KDM4B: variants seen among roughly 807,000 people sequenced by gnomAD.
KDM4B encodes the protein lysine-specific demethylase 4B.
In KDM4B, 32 loss-of-function variants were observed where a neutral mutation model predicts 125.2. That is an observed-to-expected ratio of 0.26 (90% confidence interval 0.19 to 0.34). KDM4B has a LOEUF of 0.34. Among genes scored for constraint, KDM4B ranks in the 10% least tolerant of loss-of-function variants. KDM4B has a pLI of 1.00. For missense variants in KDM4B, 1,190 were observed against 1,577.7 expected (o/e 0.75, Z 4.16); for synonymous variants, 721 against 677.9 (o/e 1.06, Z -0.99).
intron 11 of KDM4B, among the ~76,000 whole-genome samples, chr19:5,126,158 G>A (rs1213868531): frequency 6.6e-6 from 1 of 152,144 alleles, no homozygotes; most frequent in Non-Finnish European, 1.5e-5. Context: ...TGCTCACAGG[G>A]GCCAGGGGGC....
At chr19:5,101,275 GT>G (rs933611704) in intron 9 of KDM4B, among the ~76,000 whole-genome samples, 5 of 143,360 alleles carry the variant, frequency 3.5e-5, no homozygotes, top group Admixed American at 7.1e-5. Flanking sequence ...CCAGGTTTTT[GT>G]TTTTTTTTTG....
intron 9 of KDM4B, among the ~76,000 whole-genome samples, chr19:5,094,102 T>A: frequency 6.6e-6 from 1 of 152,130 alleles, no homozygotes; most frequent in Non-Finnish European, 1.5e-5. Context: ...CTTGCAGGGG[T>A]GTCGCCCTCT....
intron 13 of KDM4B, among the ~76,000 whole-genome samples, 181 bp downstream of exon 13, chr19:5,132,188 C>T (rs1449166732): frequency 6.6e-6 from 1 of 152,144 alleles, no homozygotes; most frequent in Non-Finnish European, 1.5e-5. Flanking sequence ...GGTGGTCGTG[C>T]GGGGAGGCAG....
At chr19:5,007,236 G>C (rs1477072981) in intron 1 of KDM4B, among the ~76,000 whole-genome samples, 2 of 152,330 alleles carry the variant, frequency 1.3e-5, no homozygotes, top group Middle Eastern at 3.4e-3. Context: ...TATTGGAGAG[G>C]TTTCTAGAAG....
intron 11 of KDM4B, among the ~76,000 whole-genome samples, chr19:5,120,287 C>G (rs1404169603): frequency 1.3e-5 from 2 of 152,220 alleles, no homozygotes; most frequent in African/African-American, 4.8e-5. Flanking sequence ...CCTCTGCACT[C>G]CAACCTGGGC....
chr19:5,119,947 C>T (rs2039330313), intron 11 of KDM4B, 95 bp downstream of exon 11: 8 of 1,407,194 alleles, frequency 5.7e-6, no homozygotes, highest in East Asian at 5.0e-5. Context: ...CCAGAGTCCC[C>T]GTTTTGTAAG....
At chr19:5,044,036 G>T (rs369915653) in intron 5 of KDM4B, among the ~76,000 whole-genome samples, 1 of 65,918 alleles carries the variant, frequency 1.5e-5, no homozygotes, top group Admixed American at 1.6e-4. Context: ...TATCCCACGC[G>T]GTGTTTATCG....
intron 6 of KDM4B, among the ~76,000 whole-genome samples, chr19:5,067,768 C>CA (rs770314584): frequency 6.6e-6 from 1 of 152,144 alleles, no homozygotes; most frequent in Non-Finnish European, 1.5e-5. Context: ...GGCCCCTGCA[C>CA]AGGAGCCAGA....
chr19:5,031,188 TG>T (rs1240101670), intron 2 of KDM4B, among the ~76,000 whole-genome samples: 1 of 151,766 alleles, frequency 6.6e-6, no homozygotes, highest in Non-Finnish European at 1.5e-5. Flanking sequence ...CTGGGGCCTG[TG>T]GGGTTGGCGG....
At chr19:5,092,542 G>A (rs2038731263) in intron 9 of KDM4B, among the ~76,000 whole-genome samples, 2 of 152,244 alleles carry the variant, frequency 1.3e-5, no homozygotes, top group South Asian at 4.1e-4. Context: ...CTAGACCGAG[G>A]CTCGTGGTGT....
intron 1 of KDM4B, among the ~76,000 whole-genome samples, chr19:4,988,828 C>T (rs1169934230): frequency 3.3e-5 from 5 of 152,160 alleles, no homozygotes; most frequent in Non-Finnish European, 7.3e-5. Flanking sequence ...TCAGCTTCCT[C>T]GCAGAGGCTT....
chr19:5,122,601 A>C (rs2039380543), intron 11 of KDM4B, among the ~76,000 whole-genome samples: 1 of 152,276 alleles, frequency 6.6e-6, no homozygotes, highest in Admixed American at 6.5e-5. Flanking sequence ...GTGACTCTCA[A>C]ATCCACTGCT....
At chr19:4,991,740 A>G (rs1762269085) in intron 1 of KDM4B, among the ~76,000 whole-genome samples, 1 of 152,016 alleles carries the variant, frequency 6.6e-6, no homozygotes, top group Non-Finnish European at 1.5e-5. Context: ...TGTCAACACA[A>G]AGGAACGCTC....
At chr19:5,149,160 C>T (rs2039902883) in intron 21 of KDM4B, among the ~76,000 whole-genome samples, 1 of 152,254 alleles carries the variant, frequency 6.6e-6, no homozygotes, top group African/African-American at 2.4e-5. Context: ...AAGGCAGGGT[C>T]TGTGCTCCCT....
At chr19:5,048,396 C>T (rs148440958) in intron 6 of KDM4B, among the ~76,000 whole-genome samples, 10 of 152,348 alleles carry the variant, frequency 6.6e-5, no homozygotes, top group Non-Finnish European at 1.0e-4. Flanking sequence ...CTTGTGACTG[C>T]GGAACCTGCT....
rs1381721294 is a variant in KDM4B, at chr19:5,039,994, C to G, written c.300C>G (p.Arg100=). The change falls in exon 4 of 23, where the codon CGC becomes CGG. Residue 100 remains arginine (R), a synonymous_variant. Coordinates refer to ENST00000159111, the MANE Select transcript of KDM4B (RefSeq NM_015015.3). The part of the protein sequence containing the change: ...KKAMTVGEYR[R]LANSEKYCTP... ...CCATGACAGTGGGCGAGTACCGCCG[C>G]CTGGCCAACAGCGAGAAGTACGCGG... is the stretch of plus-strand genomic sequence containing the variant. The G allele has an allele frequency of 1.9e-6, 3 of 1,611,342 alleles. No homozygotes were observed. In the South Asian group the frequency reaches 3.3e-5, roughly 18 times the overall value.
At chr19:5,105,490 T>C (rs2039017641) in intron 9 of KDM4B, among the ~76,000 whole-genome samples, 1 of 152,218 alleles carries the variant, frequency 6.6e-6, no homozygotes, top group South Asian at 2.1e-4. Flanking sequence ...TGGAGTGCTG[T>C]GGCATGATCA....
chr19:5,043,721 C>A (rs1484338257), intron 5 of KDM4B, among the ~76,000 whole-genome samples: 1 of 142,274 alleles, frequency 7.0e-6, no homozygotes, highest in Admixed American at 7.0e-5. Flanking sequence ...TCCGCCATAT[C>A]CTGCGTGGTG....
At chr19:5,120,998 A>T (rs915029570) in intron 11 of KDM4B, among the ~76,000 whole-genome samples, 3 of 152,166 alleles carry the variant, frequency 2.0e-5, no homozygotes, top group Admixed American at 2.0e-4. Flanking sequence ...CCCAAGGTGA[A>T]TATTGTCCTT....
Sources: gnomAD v4.1 joint callset for allele counts (sites outside exome capture counted in the v4.1 genomes callset) on GRCh38, gnomAD v4.1.1 for gene constraint, MANE v1.5 for transcripts, NCBI Gene and HGNC (gene_info 2026-07-23, HGNC 2026-07-21) for gene names.